The following CHST9 variants were observed in gnomAD, a reference collection of about 807,000 sequenced individuals.
CHST9 encodes GalNAc-4-sulfotransferase 2.
In CHST9, 41 loss-of-function variants were observed where a neutral mutation model predicts 44.4. The observed-to-expected ratio is 0.92, with a 90% CI of 0.72 to 1.20. The LOEUF (loss-of-function observed/expected upper bound fraction) is 1.20. Among genes scored for constraint, CHST9 ranks in the 50% most tolerant of loss-of-function variants. The pLI is 0.00. For synonymous variants in CHST9, 171 were observed against 178.4 expected (o/e 0.96, Z 0.33); for missense variants, 504 against 516.5 (o/e 0.98, Z 0.23).
intron 2 of CHST9, among the ~76,000 whole-genome samples, chr18:27,131,665 G>C (rs1201841300): frequency 3.9e-5 from 6 of 152,142 alleles, no homozygotes; most frequent in African/African-American, 1.4e-4. Flanking sequence ...AGACACAACT[G>C]ATAATCATTA....
chr18:26,975,607 C>T (rs747288407), intron 4 of CHST9, among the ~76,000 whole-genome samples: 1 of 147,018 alleles, frequency 6.8e-6, no homozygotes, highest in Non-Finnish European at 1.5e-5. Context: ...AGGACATGAT[C>T]TTATTCTTTT....
chr18:27,021,880 A>G (rs1269168889), intron 4 of CHST9, among the ~76,000 whole-genome samples: 2 of 152,220 alleles, frequency 1.3e-5, no homozygotes, highest in Non-Finnish European at 2.9e-5. Context: ...TTACAGGTAC[A>G]ATAATCATCA....
intron 2 of CHST9, among the ~76,000 whole-genome samples, chr18:27,069,511 C>T (rs1041949114): frequency 2.6e-5 from 4 of 152,120 alleles, no homozygotes; most frequent in Admixed American, 2.0e-4. Context: ...AGTCTTCTTC[C>T]TATACTCATA....
At chr18:26,957,055 A>G (rs1490753663) in intron 4 of CHST9, among the ~76,000 whole-genome samples, 1 of 152,152 alleles carries the variant, frequency 6.6e-6, no homozygotes, top group African/African-American at 2.4e-5. Context: ...CCAGCGGGGG[A>G]AATTGGCTGG....
intron 4 of CHST9, among the ~76,000 whole-genome samples, chr18:26,984,376 T>C (rs186838049): frequency 1.2e-4 from 18 of 152,278 alleles, no homozygotes; most frequent in Admixed American, 4.6e-4. Flanking sequence ...TTTGGATAGA[T>C]TGTAGAAGTA....
At chr18:26,950,420 A>G (rs1242374598) in intron 4 of CHST9, among the ~76,000 whole-genome samples, 1 of 152,224 alleles carries the variant, frequency 6.6e-6, no homozygotes, top group African/African-American at 2.4e-5. Context: ...ACATATGAAC[A>G]TGCAGGTTTT....
At chr18:26,932,097 A>G (rs2055889125) in intron 5 of CHST9, among the ~76,000 whole-genome samples, 1 of 152,228 alleles carries the variant, frequency 6.6e-6, no homozygotes, top group Non-Finnish European at 1.5e-5. Context: ...GAATGAGGAC[A>G]TCATCCCACC....
chr18:27,068,948 T>G (rs1230575851), intron 2 of CHST9, among the ~76,000 whole-genome samples: 1 of 152,222 alleles, frequency 6.6e-6, no homozygotes, highest in Non-Finnish European at 1.5e-5. Context: ...TTTCTATTGT[T>G]GTTTTATGGT....
rs2055379546 is a variant in CHST9 at position 26,906,976 on chromosome 18, G to A, written c.*9283C>T. ...AATGGCCAGAAATATGCCTGGAGAA[G>A]AATTGGGATCATGCAGGATATAGAA... On this transcript the variant is annotated 3_prime_UTR_variant, in exon 6 of 6. Transcript: ENST00000618847. The A allele has an allele frequency of 6.6e-6, 1 of 152,270 alleles. No individual in the cohort carries two copies. Among genetic ancestry groups the A allele is most frequent in the Non-Finnish European group, 1.5e-5 (1 of 68,110 alleles). 9.4% of individuals were successfully genotyped at this position (152,270 alleles called of 1,614,324 possible).
intron 1 of CHST9, among the ~76,000 whole-genome samples, 185 bp downstream of exon 1, chr18:27,184,951 C>A (rs2058944047): frequency 6.6e-6 from 1 of 152,140 alleles, no homozygotes; most frequent in African/African-American, 2.4e-5. Flanking sequence ...GGTTGGAATA[C>A]TGGAGGTAGG....
At position 26,907,556 on chromosome 18, in the gene CHST9, G is replaced by A. The variant is rs181278796; in HGVS notation, c.*8703C>T. On this transcript the variant is annotated 3_prime_UTR_variant, in exon 6 of 6. Transcript: ENST00000618847. ...AGTCCCCAAGCAGAGAGGGTAGAGCGAGCTGAATGTGGGATGGTCATGCGG... is the reference window on the plus strand; with the variant it reads ...AGTCCCCAAGCAGAGAGGGTAGAGCAAGCTGAATGTGGGATGGTCATGCGG... The A allele has an allele frequency of 2.5e-3, 381 of 152,540 alleles. No homozygotes were observed. Among genetic ancestry groups the A allele is most frequent in the South Asian group, 7.1e-3 (34 of 4,812 alleles). The allele number at this position is 152,540 out of a possible 1,614,324, so 9.4% of individuals were successfully genotyped here.
intron 1 of CHST9, among the ~76,000 whole-genome samples, chr18:27,156,263 G>C (rs1225581255): frequency 6.6e-6 from 1 of 151,912 alleles, no homozygotes; most frequent in Non-Finnish European, 1.5e-5. Context: ...CTGAAGAAAG[G>C]AATTGAAAGA....
chr18:27,130,067 T>C (rs767770221), intron 2 of CHST9, among the ~76,000 whole-genome samples: 2 of 152,176 alleles, frequency 1.3e-5, no homozygotes, highest in Non-Finnish European at 2.9e-5. Context: ...TCTGTTTTAG[T>C]TCCAGTTTTG....
At chr18:27,114,867 T>G (rs2058306526) in intron 2 of CHST9, among the ~76,000 whole-genome samples, 1 of 152,254 alleles carries the variant, frequency 6.6e-6, no homozygotes, top group Non-Finnish European at 1.5e-5. Context: ...ACGTGGGTAC[T>G]GATGTGATTT....
intron 4 of CHST9, among the ~76,000 whole-genome samples, chr18:26,949,442 G>A (rs2056213279): frequency 6.6e-6 from 1 of 151,962 alleles, no homozygotes; most frequent in Non-Finnish European, 1.5e-5. Context: ...CTACTCAAGA[G>A]ACTGAGGTGG....
intron 2 of CHST9, among the ~76,000 whole-genome samples, chr18:27,081,924 T>A (rs1457778595): frequency 6.6e-6 from 1 of 152,184 alleles, no homozygotes; most frequent in Non-Finnish European, 1.5e-5. Context: ...AGGCCTGCAC[T>A]TAATTAAAAA....
At chr18:27,099,270 C>G (rs550125032) in intron 2 of CHST9, among the ~76,000 whole-genome samples, 48 of 152,016 alleles carry the variant, frequency 3.2e-4, no homozygotes, top group Non-Finnish European at 5.4e-4. Context: ...TTCTGGACAT[C>G]AGCCATGGGA....
intron 4 of CHST9, among the ~76,000 whole-genome samples, chr18:26,948,373 C>T (rs1243506076): frequency 6.6e-6 from 1 of 152,022 alleles, no homozygotes; most frequent in African/African-American, 2.4e-5. Flanking sequence ...TCTGCACATG[C>T]ATCCCAGAAC....
At chr18:27,119,909 T>G (rs1481132260) in intron 2 of CHST9, among the ~76,000 whole-genome samples, 1 of 152,084 alleles carries the variant, frequency 6.6e-6, no homozygotes, top group Non-Finnish European at 1.5e-5. Flanking sequence ...CAGTTACAGT[T>G]TAGTGTGGGA....
Sources: gnomAD v4.1 joint callset for allele counts (sites outside exome capture counted in the v4.1 genomes callset) on GRCh38, gnomAD v4.1.1 for gene constraint, MANE v1.5 for transcripts, NCBI Gene and HGNC (gene_info 2026-07-23, HGNC 2026-07-21) for gene names.